The following OGFRL1 variants were observed in gnomAD, a reference collection of about 807,000 sequenced individuals.
OGFRL1 encodes opioid growth factor receptor like 1.
Under a neutral mutation model 32.4 loss-of-function variants are expected in OGFRL1, and 26 were observed. That is an observed-to-expected ratio of 0.80 (90% confidence interval 0.59 to 1.11). The LOEUF is 1.11. Ranked by LOEUF, OGFRL1 falls within the 50% of genes most tolerant of loss-of-function variation. The pLI is 0.00. For synonymous variants in OGFRL1, 211 were observed against 201.2 expected (o/e 1.05, Z -0.41); for missense variants, 521 against 546.4 (o/e 0.95, Z 0.46).
At chr6:71,296,181 C>CT (rs111620246) in intron 3 of OGFRL1, 136 bp from the exon 4 acceptor site, 8,925 of 618,000 alleles carry the variant, frequency 0.014, 94 homozygotes, top group African/African-American at 0.019. Flanking sequence ...GGGTATTCAT[C>CT]TTTTTAAAAG....
In OGFRL1 at chr6:71,302,082, A is replaced by G. The variant is rs751108686; in HGVS notation, c.*33A>G. Reference sequence around the variant, plus strand: ...GAAAACCCAGAAGCCAGTTTAGGCTAGAGAGGAAAAAACTACTGTATCATT... The same window carrying G: ...GAAAACCCAGAAGCCAGTTTAGGCTGGAGAGGAAAAAACTACTGTATCATT... On this transcript the variant is annotated 3_prime_UTR_variant, in exon 7 of 7. Transcript: ENST00000370435. The G allele has an allele frequency of 1.4e-6, 2 of 1,471,736 alleles. No homozygotes were observed. Among genetic ancestry groups the G allele is most frequent in the Non-Finnish European group, 1.8e-6 (2 of 1,120,516 alleles). The allele number at this position is 1,471,736 out of a possible 1,614,324, so 91.2% of individuals were successfully genotyped here.
chr6:71,294,270 T>C (rs979954460), intron 3 of OGFRL1, among the ~76,000 whole-genome samples: 3 of 152,118 alleles, frequency 2.0e-5, no homozygotes, highest in East Asian at 3.9e-4. Flanking sequence ...GCATATTTCA[T>C]TGAGGCATCA....
chr6:71,293,358 C>A lies in OGFRL1; in HGVS notation c.300C>A (p.Tyr100Ter). 5 of 1,613,780 alleles carry A rather than the reference C, an allele frequency of 3.1e-6. No homozygotes were observed. Among genetic ancestry groups the A allele is most frequent in the Non-Finnish European group, 4.2e-6 (5 of 1,179,778 alleles). ...KRSFYAARDL[Y>*]KYRHQYPNFK... is the part of the protein sequence containing the mutation. ...GTTTTTATGCTGCCAGGGATTTGTACAAGTACCGACACCAGTACCCAGTAA... is the reference window on the plus strand; with the variant it reads ...GTTTTTATGCTGCCAGGGATTTGTAAAAGTACCGACACCAGTACCCAGTAA... Residue 100 changes from tyrosine to a stop codon, truncating the protein, a stop_gained, in exon 2 of 7, where the codon TAC (tyrosine) becomes TAA (stop). Coordinates refer to ENST00000370435, the MANE Select transcript of OGFRL1 (RefSeq NM_024576.5). LOFTEE classifies it high-confidence loss of function.
chr6:71,304,838 A>G lies in OGFRL1; in HGVS notation c.*2789A>G, dbSNP rs1766498781. On this transcript the variant is annotated 3_prime_UTR_variant, in exon 7 of 7. Transcript: ENST00000370435. ...TGTTTCTTACATTTAATCCCTAAAT[A>G]ACTTAGATAATCATTCAGTGGAGAA... 6.6e-6 allele frequency: 1 copy of G among 152,078 alleles called. No individual in the cohort carries two copies. The highest frequency in any genetic ancestry group is 6.6e-5 in the Admixed American group (1 of 15,266). The allele number at this position is 152,078 out of a possible 1,614,324, so 9.4% of individuals were successfully genotyped here. A position where few individuals can be genotyped will look rare whatever the true frequency, so the allele number is the denominator to read the frequency against.
chr6:71,309,019 C>CTT lies in OGFRL1; in HGVS notation c.*6973_*6974dup, dbSNP rs1263325858. On this transcript the variant is annotated 3_prime_UTR_variant, in exon 7 of 7. Coordinates refer to ENST00000370435, the MANE Select transcript of OGFRL1 (RefSeq NM_024576.5). ...TAACACATAAGACTAACATTATTTT[C>CTT]TTTTATCCTCAAAAATAAATATTGT... is the stretch of plus-strand genomic sequence containing the variant. 6.6e-6 allele frequency: 1 copy of CTT among 152,078 alleles called. No individual in the cohort carries two copies. The highest frequency in any genetic ancestry group is 1.5e-5 in the Non-Finnish European group (1 of 67,996). The allele number at this position is 152,078 out of a possible 1,614,324, so 9.4% of individuals were successfully genotyped here. A position where few individuals can be genotyped will look rare whatever the true frequency, so the allele number is the denominator to read the frequency against.
At chr6:71,301,286 G>T in intron 6 of OGFRL1, 100 bp from the exon 7 acceptor site, 1 of 1,006,508 alleles carries the variant, frequency 9.9e-7, no homozygotes, top group South Asian at 1.6e-5. Context: ...ATATTTCCAT[G>T]GCTTACATTT....
chr6:71,302,307 A>G lies in OGFRL1; in HGVS notation c.*258A>G, dbSNP rs1014154602. The G allele has an allele frequency of 2.6e-5, 7 of 274,062 alleles. No homozygotes were observed. Among genetic ancestry groups the G allele is most frequent in the African/African-American group, 1.5e-4 (7 of 45,466 alleles). 17.0% of individuals were successfully genotyped at this position (274,062 alleles called of 1,614,324 possible). ...TGTGAATTTTCAAATTTTGTATATA[A>G]TAATTACTTTGAGAATATTTTCAGA... On this transcript the variant is annotated 3_prime_UTR_variant, in exon 7 of 7. Coordinates refer to ENST00000370435, the MANE Select transcript of OGFRL1 (RefSeq NM_024576.5).
intron 1 of OGFRL1, chr6:71,289,432 A>T (rs1014505799): frequency 1.0e-6 from 1 of 984,992 alleles, no homozygotes; most frequent in African/African-American, 1.7e-5. Flanking sequence ...GCAGAACCCA[A>T]CTTGAATGGG....
intron 6 of OGFRL1, among the ~76,000 whole-genome samples, chr6:71,299,771 A>G (rs909005954): frequency 6.6e-6 from 1 of 152,142 alleles, no homozygotes; most frequent in African/African-American, 2.4e-5. Flanking sequence ...CCAAATTTGT[A>G]TTGTCTCAAG....
At position 71,291,130 on chromosome 6, in the gene OGFRL1, T is replaced by C. The variant is rs78780162; in HGVS notation, c.234+1960T>C. On this transcript the variant is annotated intron_variant, in intron 1 of 6. Coordinates refer to ENST00000370435, the MANE Select transcript of OGFRL1 (RefSeq NM_024576.5). The stretch of plus-strand genomic sequence containing the variant: ...AAGGAGGCTGACAAGGGGAGCCCAA[T>C]GAGACAGAAAGTAAACTAAGAAAGT... Among the ~76,000 whole-genome samples the C allele has an allele frequency of 6.2e-3, 948 of 152,198 alleles. 18 individuals carry two copies. The highest frequency in any genetic ancestry group is 0.022 in the African/African-American group (902 of 41,520).
Position 71,305,370 on chromosome 6 carries a change from TGAA to T in OGFRL1, c.*3325_*3327del, listed in dbSNP as rs1461298768. 4 of 152,056 alleles carry T rather than the reference TGAA, an allele frequency of 2.6e-5. No individual in the cohort carries two copies. Among genetic ancestry groups the T allele is most frequent in the Non-Finnish European group, 4.4e-5 (3 of 67,908 alleles). The allele number at this position is 152,056 out of a possible 1,614,324, so 9.4% of individuals were successfully genotyped here. A position where few individuals can be genotyped will look rare whatever the true frequency, so the allele number is the denominator to read the frequency against. ...TACAGTAGAGAAAGAGTTTATAACA[TGAA>T]GAATATTGTACCATTATACATTTTC... On this transcript the variant is annotated 3_prime_UTR_variant, in exon 7 of 7. Transcript: ENST00000370435.
rs937399036 is a variant in OGFRL1, at chr6:71,303,660, C to T, written c.*1611C>T. ...ACGAAATTAGTAATGTTGCTTAGCC[C>T]AAACGTGTTTTTTAAAAAGTATAGT... On this transcript the variant is annotated 3_prime_UTR_variant, in exon 7 of 7. Coordinates refer to ENST00000370435, the MANE Select transcript of OGFRL1 (RefSeq NM_024576.5). 6 of 152,108 alleles carry T rather than the reference C, an allele frequency of 3.9e-5. No individual in the cohort carries two copies. The highest frequency in any genetic ancestry group is 1.4e-4 in the African/African-American group (6 of 41,424). The allele number at this position is 152,108 out of a possible 1,614,324, so 9.4% of individuals were successfully genotyped here. A position where few individuals can be genotyped will look rare whatever the true frequency, so the allele number is the denominator to read the frequency against.
At chr6:71,299,257 CT>C (rs1262587590) in intron 6 of OGFRL1, among the ~76,000 whole-genome samples, 1 of 152,148 alleles carries the variant, frequency 6.6e-6, no homozygotes, top group Non-Finnish European at 1.5e-5. Flanking sequence ...CAGCTTCTTT[CT>C]TTTTCCTATA....
Position 71,302,124 on chromosome 6 carries a change from G to A in OGFRL1, c.*75G>A, listed in dbSNP as rs1766419389. The A allele has an allele frequency of 7.8e-7, 1 of 1,282,110 alleles. No homozygotes were observed. The highest frequency in any genetic ancestry group is 1.5e-5 in the African/African-American group (1 of 66,022). 79.4% of individuals were successfully genotyped at this position (1,282,110 alleles called of 1,614,324 possible). On this transcript the variant is annotated 3_prime_UTR_variant, in exon 7 of 7. Transcript: ENST00000370435. ...TGTATCATTTATCCTAAAGAACAGA[G>A]ATGAGGTCAATTTCAAATTTTAGCC...
chr6:71,301,791 A>G lies in OGFRL1; in HGVS notation c.1098A>G (p.Lys366=). 6.2e-7 allele frequency: 1 copy of G among 1,613,834 alleles called. No homozygotes were observed. The change falls in exon 7 of 7, where the codon AAA becomes AAG. Residue 366 remains lysine (K), a synonymous_variant. Coordinates refer to ENST00000370435, the MANE Select transcript of OGFRL1 (RefSeq NM_024576.5). ...VHLNSKTAED[K]KVAPKEPVEE... is the part of the protein sequence containing the mutation. ...TAAATAGCAAAACAGCTGAAGACAA[A>G]AAAGTGGCACCAAAAGAGCCTGTGG...
intron 1 of OGFRL1, 133 bp downstream of exon 1, chr6:71,289,303 C>G: frequency 9.9e-7 from 1 of 1,010,138 alleles, no homozygotes; most frequent in South Asian, 4.6e-5. Context: ...CCGACCCCTC[C>G]GCGCCGCGGC....
At chr6:71,295,059 A>G (rs548652379) in intron 3 of OGFRL1, 1 of 152,248 alleles carries the variant, frequency 6.6e-6, no homozygotes, top group South Asian at 2.1e-4. Context: ...AGTTTTAGCT[A>G]AGGTCAGATA....
At position 71,289,023 on chromosome 6, in the gene OGFRL1, C is replaced by T; in HGVS notation, c.87C>T (p.Pro29=). 1 of 1,354,318 alleles carries T rather than the reference C, an allele frequency of 7.4e-7. No individual in the cohort carries two copies. Among genetic ancestry groups the T allele is most frequent in the Non-Finnish European group, 9.7e-7 (1 of 1,036,120 alleles). The allele number at this position is 1,354,318 out of a possible 1,614,324, so 83.9% of individuals were successfully genotyped here. Residue 29 remains proline, a synonymous_variant, in exon 1 of 7, where the codon CCC becomes CCT. Coordinates refer to ENST00000370435, the MANE Select transcript of OGFRL1 (RefSeq NM_024576.5). ...CCACCTGGCAGACCGACTCGGAGCC[C>T]GAGCCCGAAGAACCAGGGCCGGGCG... ...CDSTWQTDSE[P]EPEEPGPGGG... is the part of the protein sequence containing the mutation.
chr6:71,291,915 G>A (rs185846698), intron 1 of OGFRL1: 2 of 152,212 alleles, frequency 1.3e-5, no homozygotes, highest in Admixed American at 1.3e-4. Flanking sequence ...CCCAGAGCCT[G>A]GGATTCTTGT....
Sources: allele counts gnomAD v4.1 joint callset (sites outside exome capture counted in the v4.1 genomes callset), GRCh38; gene constraint gnomAD v4.1.1; transcripts MANE v1.5; gene names NCBI Gene and HGNC (gene_info 2026-07-23, HGNC 2026-07-21).